The following DOCK3 variants were observed in gnomAD, a reference collection of about 807,000 sequenced individuals.
The protein encoded by DOCK3 is dedicator of cytokinesis protein 3.
In DOCK3, 60 loss-of-function variants were observed where a neutral mutation model predicts 265.6. The ratio of observed to expected loss-of-function variants is 0.23; its 90% CI spans 0.18 to 0.28. The LOEUF (loss-of-function observed/expected upper bound fraction) is 0.28, where lower values mean the gene tolerates loss of function less well. Among genes scored for constraint, DOCK3 ranks in the 10% least tolerant of loss-of-function variants. DOCK3 has a pLI of 1.00. For synonymous variants in DOCK3, 881 were observed against 938.0 expected, an observed-to-expected ratio of 0.94 and a Z score of 1.11; for missense variants, 1,981 against 2,594.3, an observed-to-expected ratio of 0.76 and a Z score of 5.14.
chr3:50,850,565 A>G (rs1360073053), intron 3 of DOCK3, among the ~76,000 whole-genome samples: 2 of 152,126 alleles, frequency 1.3e-5, no homozygotes, highest in African/African-American at 2.4e-5. Flanking sequence ...TGTATTTTTC[A>G]TGGTGCCAGA....
intron 41 of DOCK3, 59 bp downstream of exon 41, chr3:51,355,082 C>T: frequency 1.3e-6 from 2 of 1,571,284 alleles, no homozygotes; most frequent in Non-Finnish European, 1.7e-6. Context: ...TGAGATCCAC[C>T]CAGTCAGCTG....
chr3:50,868,188 C>T (rs1033959367), intron 3 of DOCK3, among the ~76,000 whole-genome samples: 1 of 151,990 alleles, frequency 6.6e-6, no homozygotes, highest in Non-Finnish European at 1.5e-5. Context: ...ATTCTCCTGT[C>T]TCAGCCTCCT....
intron 9 of DOCK3, among the ~76,000 whole-genome samples, chr3:51,098,423 T>C (rs2082953838): frequency 6.6e-6 from 1 of 152,210 alleles, no homozygotes; most frequent in South Asian, 2.1e-4. Context: ...CTAAACTTTT[T>C]CTTGAAAATC....
At chr3:50,751,215 CT>C (rs2039779808) in intron 1 of DOCK3, among the ~76,000 whole-genome samples, 1 of 151,014 alleles carries the variant, frequency 6.6e-6, no homozygotes, top group African/African-American at 2.4e-5. Context: ...CCTGAAGTGA[CT>C]TTTTTATATG....
intron 7 of DOCK3, among the ~76,000 whole-genome samples, chr3:51,075,949 A>G (rs1465479931): frequency 4.6e-5 from 7 of 152,212 alleles, no homozygotes; most frequent in Non-Finnish European, 1.0e-4. Context: ...GAAGGGTACA[A>G]TATTTTAAAG....
chr3:50,744,684 C>T (rs1315922269), intron 1 of DOCK3, among the ~76,000 whole-genome samples: 1 of 152,212 alleles, frequency 6.6e-6, no homozygotes, highest in Non-Finnish European at 1.5e-5. Flanking sequence ...ATCTGCCCGC[C>T]TTGGCCTCCC....
intron 10 of DOCK3, among the ~76,000 whole-genome samples, chr3:51,148,117 C>G (rs571110410): frequency 6.6e-6 from 1 of 152,142 alleles, no homozygotes; most frequent in African/African-American, 2.4e-5. Flanking sequence ...TTTCATGTGT[C>G]TCTTAGCTGC....
intron 49 of DOCK3, among the ~76,000 whole-genome samples, chr3:51,373,368 G>A (rs1173688081): frequency 1.3e-5 from 2 of 152,200 alleles, no homozygotes; most frequent in Admixed American, 6.5e-5. Context: ...CCAGAGAGGG[G>A]TTTCAACCAA....
At chr3:51,055,148 C>T (rs1212583358) in intron 5 of DOCK3, among the ~76,000 whole-genome samples, 3 of 152,170 alleles carry the variant, frequency 2.0e-5, no homozygotes, top group Admixed American at 6.5e-5. Context: ...ATTTCTGGAT[C>T]TTTTCCCCTG....
chr3:51,351,158 T>G (rs1164083573), intron 40 of DOCK3, among the ~76,000 whole-genome samples: 1 of 152,226 alleles, frequency 6.6e-6, no homozygotes, highest in East Asian at 1.9e-4. Flanking sequence ...CATAGAGATG[T>G]GTTCTCAGAT....
chr3:50,893,554 T>C (rs182722945), intron 4 of DOCK3, among the ~76,000 whole-genome samples: 1 of 151,970 alleles, frequency 6.6e-6, no homozygotes, highest in East Asian at 1.9e-4. Context: ...GATAGGTCAT[T>C]TGAAATGATC....
At chr3:50,863,530 G>A (rs1285776754) in intron 3 of DOCK3, 5 of 487,164 alleles carry the variant, frequency 1.0e-5, no homozygotes, top group Admixed American at 2.1e-5. Flanking sequence ...TCCAGGGGTC[G>A]ATCTTTGCTA....
At chr3:51,207,195 A>G (rs957202859) in intron 12 of DOCK3, among the ~76,000 whole-genome samples, 1 of 152,156 alleles carries the variant, frequency 6.6e-6, no homozygotes, top group African/African-American at 2.4e-5. Flanking sequence ...GAGGAATGGC[A>G]GGAACAGGCT....
intron 5 of DOCK3, among the ~76,000 whole-genome samples, chr3:50,935,395 T>C (rs756227726): frequency 1.3e-4 from 20 of 152,056 alleles, no homozygotes; most frequent in Non-Finnish European, 2.8e-4. Flanking sequence ...TCTGGAAAAA[T>C]GTAGGGGTGG....
intron 1 of DOCK3, among the ~76,000 whole-genome samples, chr3:50,723,174 C>T (rs1323036665): frequency 6.6e-6 from 1 of 152,112 alleles, no homozygotes; most frequent in Non-Finnish European, 1.5e-5. Context: ...GTCTTGCAGA[C>T]AGGACATAGC....
chr3:50,925,824 CTTT>C (rs368819970), intron 4 of DOCK3, among the ~76,000 whole-genome samples: 70 of 88,420 alleles, frequency 7.9e-4, no homozygotes, highest in Admixed American at 1.9e-3. Flanking sequence ...TAAAACTAGT[CTTT>C]TTTTTTTTTT....
intron 27 of DOCK3, among the ~76,000 whole-genome samples, chr3:51,302,967 T>C (rs1462752393): frequency 1.3e-5 from 2 of 152,190 alleles, no homozygotes; most frequent in African/African-American, 4.8e-5. Flanking sequence ...TGTTGGCCTC[T>C]CTTATTAGGT....
intron 4 of DOCK3, chr3:50,893,292 CT>C: frequency 3.7e-6 from 1 of 272,636 alleles, no homozygotes; most frequent in Non-Finnish European, 7.2e-6. Context: ...ATGAATTGCC[CT>C]CAAGACAACT....
At chr3:51,175,268 A>G (rs1400926144) in intron 12 of DOCK3, among the ~76,000 whole-genome samples, 2 of 152,114 alleles carry the variant, frequency 1.3e-5, no homozygotes, top group East Asian at 3.9e-4. Flanking sequence ...TTATCAGGCC[A>G]CTTTAAGATC....
Sources: allele counts gnomAD v4.1 joint callset (sites outside exome capture counted in the v4.1 genomes callset), GRCh38; gene constraint gnomAD v4.1.1; transcripts MANE v1.5; gene names NCBI Gene and HGNC (gene_info 2026-07-23, HGNC 2026-07-21).